Variants in PARD3 observed in about 807,000 individuals in gnomAD.
The protein encoded by PARD3 is par-3 family cell polarity regulator, also known as partitioning defective 3 homolog.
In PARD3, 75 loss-of-function variants were observed where a neutral mutation model predicts 155.4. That is an observed-to-expected ratio of 0.48 (90% CI 0.40 to 0.58). PARD3 has a LOEUF of 0.58. Ranked by LOEUF, PARD3 falls within the 20% of genes least tolerant of loss-of-function variation. The pLI, the probability that PARD3 is intolerant of heterozygous loss-of-function variation, is 0.00. For synonymous variants in PARD3, 576 were observed against 610.5 expected (o/e 0.94, Z 0.83); for missense variants, 1,642 against 1,721.7 (o/e 0.95, Z 0.82).
intron 22 of PARD3, among the ~76,000 whole-genome samples, chr10:34,174,420 T>C (rs1317540290): frequency 1.3e-5 from 2 of 152,128 alleles, no homozygotes; most frequent in East Asian, 1.9e-4. Flanking sequence ...GCAAGAGATA[T>C]TATGAAACTG....
At chr10:34,710,025 T>C (rs1199326975) in intron 1 of PARD3, among the ~76,000 whole-genome samples, 1 of 152,174 alleles carries the variant, frequency 6.6e-6, no homozygotes, top group African/African-American at 2.4e-5. Flanking sequence ...AGCTAGAATT[T>C]GGTACCACGC....
intron 22 of PARD3, among the ~76,000 whole-genome samples, chr10:34,185,139 C>T (rs1950429476): frequency 6.6e-6 from 1 of 152,180 alleles, no homozygotes; most frequent in Admixed American, 6.5e-5. Context: ...GCCTAGACCC[C>T]TGGTTTATTT....
intron 22 of PARD3, among the ~76,000 whole-genome samples, chr10:34,151,530 C>T (rs963826881): frequency 6.6e-6 from 1 of 152,044 alleles, no homozygotes; most frequent in South Asian, 2.1e-4. Context: ...TTGAGGTATA[C>T]ATTTTTTATC....
intron 3 of PARD3, among the ~76,000 whole-genome samples, chr10:34,505,570 A>T (rs2081006708): frequency 6.6e-6 from 1 of 152,160 alleles, no homozygotes; most frequent in Non-Finnish European, 1.5e-5. Context: ...CCACATGTCA[A>T]GGCTCTGTGG....
rs542408227 is a variant in PARD3 at position 34,699,145 on chromosome 10, G to A, written c.121-2726C>T. ...GAGTCAATGGTTGACTCCTGCCTCC[G>A]GAGGGGTCCTGACTCAACAGTCAGC... On this transcript the variant is annotated intron_variant, in intron 1 of 24. Coordinates refer to ENST00000374788, the MANE Select transcript of PARD3 (RefSeq NM_001184785.2). Among the ~76,000 whole-genome samples, 3 of 152,222 alleles carry A rather than the reference G, an allele frequency of 2.0e-5. No homozygotes were observed. The East Asian group carries it at 5.8e-4, about 29-fold the overall frequency.
intron 2 of PARD3, among the ~76,000 whole-genome samples, chr10:34,519,946 G>A (rs2082040180): frequency 6.6e-6 from 1 of 151,802 alleles, no homozygotes; most frequent in African/African-American, 2.4e-5. Context: ...CTGCCACCTT[G>A]GAGCTTCACC....
At chr10:34,314,292 A>G (rs1256422800) in intron 20 of PARD3, among the ~76,000 whole-genome samples, 1 of 152,230 alleles carries the variant, frequency 6.6e-6, no homozygotes, top group Non-Finnish European at 1.5e-5. Context: ...AGTTTAAAAG[A>G]ATGTTTTGAA....
At chr10:34,342,512 G>C (rs1161736665) in intron 15 of PARD3, among the ~76,000 whole-genome samples, 1 of 152,156 alleles carries the variant, frequency 6.6e-6, no homozygotes, top group African/African-American at 2.4e-5. Context: ...GCATGATGGA[G>C]AAAAGCCCAT....
At chr10:34,154,861 T>C (rs909526583) in intron 22 of PARD3, among the ~76,000 whole-genome samples, 1 of 152,222 alleles carries the variant, frequency 6.6e-6, no homozygotes, top group African/African-American at 2.4e-5. Flanking sequence ...AGAACTACTA[T>C]AAACATATTT....
At chr10:34,589,279 G>C (rs2088412198) in intron 2 of PARD3, among the ~76,000 whole-genome samples, 1 of 152,136 alleles carries the variant, frequency 6.6e-6, no homozygotes, top group Admixed American at 6.6e-5. Flanking sequence ...AAAAAGTGTA[G>C]TACTATTATA....
rs549397505 is a variant in PARD3, at chr10:34,246,165, T to G, written c.3419+23492A>C. On this transcript the variant is annotated intron_variant, in intron 22 of 24. Coordinates refer to ENST00000374788, the MANE Select transcript of PARD3 (RefSeq NM_001184785.2). ...TTCAGTAGAGAGGGGCTGAAGCCCA[T>G]TTTAAGGGGTTTAAGAGTAAGAATG... Among the ~76,000 whole-genome samples, 5 of 152,306 alleles carry G rather than the reference T, an allele frequency of 3.3e-5. No individual in the cohort carries two copies. The East Asian group carries it at 9.7e-4, about 29-fold the overall frequency.
At chr10:34,754,033 T>TA (rs1042976765) in intron 1 of PARD3, among the ~76,000 whole-genome samples, 23 of 152,220 alleles carry the variant, frequency 1.5e-4, no homozygotes, top group Non-Finnish European at 1.5e-5. Context: ...TTTTTTTTTT[T>TA]AGAGACATCG....
At chr10:34,657,169 A>T (rs2093192531) in intron 2 of PARD3, among the ~76,000 whole-genome samples, 3 of 151,998 alleles carry the variant, frequency 2.0e-5, no homozygotes, top group Admixed American at 1.3e-4. Context: ...CACCTCTGGG[A>T]GGGCTGATTG....
intron 20 of PARD3, among the ~76,000 whole-genome samples, chr10:34,297,678 A>C (rs567154008): frequency 6.6e-6 from 1 of 152,158 alleles, no homozygotes; most frequent in South Asian, 2.1e-4. Flanking sequence ...AGTGATGGTT[A>C]GTCTTGGCCA....
In PARD3 at chr10:34,542,444, C is replaced by G. The variant is rs372512278; in HGVS notation, c.223-25285G>C. Among the ~76,000 whole-genome samples the G allele has an allele frequency of 1.2e-4, 19 of 152,280 alleles. No homozygotes were observed. The South Asian group carries it at 1.5e-3, about 12-fold the overall frequency. ...GGGAAACTGCAAAACATCCTCAATA[C>G]ACAGGACAGTCCCACACAACAAAGA... On this transcript the variant is annotated intron_variant, in intron 2 of 24. Coordinates refer to ENST00000374788, the MANE Select transcript of PARD3 (RefSeq NM_001184785.2).
At chr10:34,290,139 A>G (rs933214840) in intron 20 of PARD3, among the ~76,000 whole-genome samples, 1 of 152,198 alleles carries the variant, frequency 6.6e-6, no homozygotes, top group African/African-American at 2.4e-5. Context: ...TTAGAAAAAA[A>G]TTACACGGAA....
intron 1 of PARD3, among the ~76,000 whole-genome samples, chr10:34,713,872 C>T (rs2094481167): frequency 6.6e-6 from 1 of 152,118 alleles, no homozygotes; most frequent in South Asian, 2.1e-4. Flanking sequence ...AGGTTACCTC[C>T]TCTGAGGCCT....
At chr10:34,596,258 T>C (rs143408094) in intron 2 of PARD3, among the ~76,000 whole-genome samples, 1 of 152,126 alleles carries the variant, frequency 6.6e-6, no homozygotes, top group South Asian at 2.1e-4. Flanking sequence ...TAAGGAAATG[T>C]ACTCACTTAG....
intron 4 of PARD3, among the ~76,000 whole-genome samples, chr10:34,467,600 A>G (rs2078092083): frequency 6.6e-6 from 1 of 151,442 alleles, no homozygotes; most frequent in Non-Finnish European, 1.5e-5. Flanking sequence ...TTAAACAACC[A>G]GCCAGGTGTG....
Sources: allele counts gnomAD v4.1 joint callset (sites outside exome capture counted in the v4.1 genomes callset), GRCh38; gene constraint gnomAD v4.1.1; transcripts MANE v1.5; gene names NCBI Gene and HGNC (gene_info 2026-07-23, HGNC 2026-07-21).